TRAPPC9: variants seen among roughly 807,000 people sequenced by gnomAD.
TRAPPC9 encodes the protein IKK2 binding protein.
A neutral mutation model predicts 124.0 loss-of-function variants in TRAPPC9; 83 were observed. The ratio of observed to expected loss-of-function variants is 0.67; its 90% CI spans 0.56 to 0.80. TRAPPC9 has a LOEUF of 0.80. Among genes scored for constraint, TRAPPC9 ranks in the 30% least tolerant of loss-of-function variants. The probability of loss-of-function intolerance (pLI) is 0.00; values close to 1 mark genes in which losing one functional copy is unlikely to be tolerated. For synonymous variants in TRAPPC9, 638 were observed against 617.5 expected, an observed-to-expected ratio of 1.03 and a Z score of -0.49; for missense variants, 1,302 against 1,508.3, an observed-to-expected ratio of 0.86 and a Z score of 2.27.
In TRAPPC9 at chr8:139,877,899, G is replaced by T. The variant is rs150661726; in HGVS notation, c.3055+7980C>A. 8.5e-5 allele frequency among the ~76,000 whole-genome samples: 13 copies of T among 152,330 alleles called. No homozygotes were observed. In the East Asian group the frequency reaches 2.3e-3, roughly 27 times the overall value. On this transcript the variant is annotated intron_variant, in intron 21 of 22. Coordinates refer to ENST00000438773, the MANE Select transcript of TRAPPC9 (RefSeq NM_001160372.4). ...ACCACGAGGGTGCAGCGGAGGCTGT[G>T]CCGAGACCCCAGTTGGCTCAGCGCT... is the stretch of plus-strand genomic sequence containing the variant.
At chr8:140,263,625 C>T (rs2064508890) in intron 15 of TRAPPC9, among the ~76,000 whole-genome samples, 1 of 152,108 alleles carries the variant, frequency 6.6e-6, no homozygotes, top group Admixed American at 6.5e-5. Context: ...TATTAAGTGC[C>T]TTGCATGTAG....
chr8:140,435,135 T>G lies in TRAPPC9; in HGVS notation c.836A>C (p.Glu279Ala). ...ACCTGGCCGGTGTCTATTGGCTGCT[T>G]CAGCAGGAAGGGTGCTGCCCTGGAA... ...RRFQGSTLPAEAANRHRPGAQ... is the reference protein window; with the variant it reads ...RRFQGSTLPAAAANRHRPGAQ... The change falls in exon 4 of 23, where the codon GAA becomes GCA. Residue 279 changes from glutamate (E) to alanine (A), a missense_variant. This residue lies in a region of TRAPPC9 where 657 missense variants were observed against 811.2 expected (regional missense o/e 0.81). Coordinates refer to ENST00000438773, the MANE Select transcript of TRAPPC9 (RefSeq NM_001160372.4). The G allele has an allele frequency of 6.2e-7, 1 of 1,614,196 alleles. No individual in the cohort carries two copies. Among genetic ancestry groups the G allele is most frequent in the Non-Finnish European group, 8.5e-7 (1 of 1,180,038 alleles).
intron 10 of TRAPPC9, among the ~76,000 whole-genome samples, chr8:140,310,313 G>T (rs2066260464): frequency 6.6e-6 from 1 of 152,110 alleles, no homozygotes; most frequent in East Asian, 1.9e-4. Flanking sequence ...TGGCAAGACC[G>T]AGTGAAGCTG....
In TRAPPC9 at chr8:140,284,041, T is replaced by G. The variant is rs74414386; in HGVS notation, c.1982-20A>C. 4,339 of 1,613,698 alleles carry G rather than the reference T, an allele frequency of 2.7e-3. 88 individuals are homozygous for G. The African/African-American group carries it at 0.047, about 18-fold the overall frequency. On this transcript the variant is annotated intron_variant, in intron 13 of 22. Transcript: ENST00000438773. ...GGTAACCTGGAATAGAAAAGGAACT[T>G]CTTCACTCCACTGGCAAGGCTTTGG...
intron 21 of TRAPPC9, among the ~76,000 whole-genome samples, chr8:139,792,128 G>A (rs1228950047): frequency 2.0e-5 from 3 of 152,172 alleles, no homozygotes; most frequent in African/African-American, 7.2e-5. Context: ...GGCCTGTGCT[G>A]GTACAGAGGC....
Position 140,192,659 on chromosome 8 carries a change from T to C in TRAPPC9, c.2556+28800A>G, listed in dbSNP as rs994854672. Among the ~76,000 whole-genome samples the C allele has an allele frequency of 1.1e-4, 16 of 152,260 alleles. 1 individual carries two copies. Among genetic ancestry groups the C allele is most frequent in the Admixed American group, 3.3e-4 (5 of 15,288 alleles). ...AGAACCAGACATAACATGAGATGCA[T>C]TGAATGAACTGCTTGTCACATGGGT... On this transcript the variant is annotated intron_variant, in intron 17 of 22. Transcript: ENST00000438773.
At chr8:139,930,443 G>C (rs962913617) in intron 19 of TRAPPC9, among the ~76,000 whole-genome samples, 2 of 152,192 alleles carry the variant, frequency 1.3e-5, no homozygotes, top group African/African-American at 4.8e-5. Context: ...GGGAAAACAA[G>C]GGGGTCGATG....
intron 17 of TRAPPC9, among the ~76,000 whole-genome samples, chr8:140,131,258 G>C (rs1225981356): frequency 3.3e-5 from 5 of 152,242 alleles, no homozygotes; most frequent in Non-Finnish European, 5.9e-5. Context: ...GGGTAATAGG[G>C]TACAGACTTC....
rs987204886 is a variant in TRAPPC9, at chr8:140,017,844, T to C, written c.2699+6093A>G. Reference sequence around the variant, plus strand: ...AACTAATTCTTCCAATCACTAAGCATGGTATACTTTTTTTTTTGATACAGA... The same window carrying C: ...AACTAATTCTTCCAATCACTAAGCACGGTATACTTTTTTTTTTGATACAGA... On this transcript the variant is annotated intron_variant, in intron 18 of 22. Transcript: ENST00000438773. Among the ~76,000 whole-genome samples the C allele has an allele frequency of 7.9e-5, 12 of 152,140 alleles. No individual in the cohort carries two copies. In the South Asian group the frequency reaches 2.5e-3, roughly 32 times the overall value.
At chr8:140,002,572 A>G (rs1838471912) in intron 18 of TRAPPC9, among the ~76,000 whole-genome samples, 1 of 152,072 alleles carries the variant, frequency 6.6e-6, no homozygotes, top group African/African-American at 2.4e-5. Flanking sequence ...TTTTAGTAGT[A>G]AAAGATTTAC....
rs1379750470 is a variant in TRAPPC9, at chr8:140,436,845, C to T, written c.731-1605G>A. Among the ~76,000 whole-genome samples the T allele has an allele frequency of 2.9e-4, 44 of 152,352 alleles. 1 individual carries two copies. Among genetic ancestry groups the T allele is most frequent in the Admixed American group, 2.7e-3 (42 of 15,290 alleles). On this transcript the variant is annotated intron_variant, in intron 3 of 22. Coordinates refer to ENST00000438773, the MANE Select transcript of TRAPPC9 (RefSeq NM_001160372.4). ...CAAGTAAAACTATGTCTTTCTCAGCCTGCATAATCCTTTATCTGATTCTCT... is the reference window on the plus strand; with the variant it reads ...CAAGTAAAACTATGTCTTTCTCAGCTTGCATAATCCTTTATCTGATTCTCT...
chr8:139,802,983 CGT>C (rs1823651783), intron 21 of TRAPPC9, among the ~76,000 whole-genome samples: 2 of 150,612 alleles, frequency 1.3e-5, no homozygotes, highest in African/African-American at 2.5e-5. Flanking sequence ...GCATTGTGTG[CGT>C]GTTATGTATG....
chr8:139,921,414 C>T (rs1008189822), intron 19 of TRAPPC9, among the ~76,000 whole-genome samples: 1 of 152,130 alleles, frequency 6.6e-6, no homozygotes, highest in African/African-American at 2.4e-5. Flanking sequence ...CCAGGAGCTT[C>T]AGAAGCCCAT....
At chr8:140,386,031 G>C (rs2068746418) in intron 7 of TRAPPC9, among the ~76,000 whole-genome samples, 1 of 152,146 alleles carries the variant, frequency 6.6e-6, no homozygotes, top group South Asian at 2.1e-4. Flanking sequence ...ATCAATAAAT[G>C]TAATCCAGCA....
At chr8:140,116,605 T>C (rs2060891644) in intron 17 of TRAPPC9, among the ~76,000 whole-genome samples, 1 of 152,208 alleles carries the variant, frequency 6.6e-6, no homozygotes, top group South Asian at 2.1e-4. Context: ...GTCACATATA[T>C]CTCTCTAGCA....
chr8:140,396,150 T>TG (rs2069090932), intron 7 of TRAPPC9, among the ~76,000 whole-genome samples: 1 of 147,934 alleles, frequency 6.8e-6, no homozygotes, highest in Non-Finnish European at 1.5e-5. Flanking sequence ...TTTTTTTTTT[T>TG]TTTTTTTTGA....
intron 4 of TRAPPC9, 120 bp from the exon 5 acceptor site, chr8:140,426,761 C>T (rs991618600): frequency 2.1e-6 from 2 of 961,326 alleles, no homozygotes; most frequent in African/African-American, 3.3e-5. Context: ...TGTATCTGAT[C>T]AGAAAAGCAA....
intron 8 of TRAPPC9, among the ~76,000 whole-genome samples, chr8:140,360,900 A>C (rs1188525595): frequency 6.6e-6 from 1 of 151,800 alleles, no homozygotes; most frequent in Non-Finnish European, 1.5e-5. Context: ...GCCATGCCCA[A>C]CTACTTTTTT....
At chr8:140,274,886 A>G (rs544011791) in intron 15 of TRAPPC9, among the ~76,000 whole-genome samples, 10 of 152,330 alleles carry the variant, frequency 6.6e-5, no homozygotes, top group Admixed American at 2.6e-4. Context: ...CCATACGTCA[A>G]AAGCACATAA....
Sources: gnomAD v4.1 joint callset for allele counts (sites outside exome capture counted in the v4.1 genomes callset) on GRCh38, gnomAD v4.1.1 for gene constraint, gnomAD v4.1.1 regional missense constraint, MANE v1.5 for transcripts, NCBI Gene and HGNC (gene_info 2026-07-23, HGNC 2026-07-21) for gene names.